The following ST3GAL3 variants were observed in gnomAD, a reference collection of about 807,000 sequenced individuals.
ST3GAL3 encodes the protein CMP-N-acetylneuraminate-beta-1,4-galactoside alpha-2,3-sialyltransferase.
A neutral mutation model predicts 50.1 loss-of-function variants in ST3GAL3; 21 were observed. That is an observed-to-expected ratio of 0.42 (90% CI 0.30 to 0.60). The LOEUF (loss-of-function observed/expected upper bound fraction) is 0.60. ST3GAL3 is among the 20% of genes least tolerant of loss of function. ST3GAL3 has a pLI of 0.19. For missense variants in ST3GAL3, 353 were observed against 489.4 expected (o/e 0.72, Z 2.63); for synonymous variants, 183 against 190.0 (o/e 0.96, Z 0.30).
intron 5 of ST3GAL3, among the ~76,000 whole-genome samples, chr1:43,871,944 G>A (rs868446537): frequency 2.1e-3 from 18 of 8,522 alleles, no homozygotes; most frequent in African/African-American, 0.013. Context: ...GGAGCGGTAC[G>A]TCGGTGGGGG....
intron 4 of ST3GAL3, among the ~76,000 whole-genome samples, chr1:43,826,523 A>T (rs1024578469): frequency 1.3e-5 from 2 of 152,222 alleles, no homozygotes; most frequent in African/African-American, 4.8e-5. Context: ...ACCAAATGAT[A>T]CCAGTTCTCT....
At chr1:43,807,865 GTGT>G (rs2060083530) in intron 3 of ST3GAL3, among the ~76,000 whole-genome samples, 2 of 152,326 alleles carry the variant, frequency 1.3e-5, no homozygotes, top group East Asian at 1.9e-4. Context: ...GTGAAGAGTG[GTGT>G]TGTTCGTTAA....
chr1:43,732,860 A>G (rs6429637), intron 1 of ST3GAL3, among the ~76,000 whole-genome samples: 50,043 of 152,066 alleles, frequency 0.33, 8,640 homozygotes, highest in African/African-American at 0.43. Flanking sequence ...ATAAATTTCA[A>G]TAGATACTTC....
intron 9 of ST3GAL3, among the ~76,000 whole-genome samples, chr1:43,917,506 A>G (rs2082094264): frequency 1.4e-5 from 1 of 71,394 alleles, no homozygotes; most frequent in Non-Finnish European, 2.6e-5. Context: ...ATAATATATT[A>G]TATAATATAA....
Position 43,724,382 on chromosome 1 carries a change from AT to A in ST3GAL3, c.-30-11834del, listed in dbSNP as rs36044239. On this transcript the variant is annotated intron_variant, in intron 1 of 11. Coordinates refer to ENST00000347631, the MANE Select transcript of ST3GAL3 (RefSeq NM_006279.5). ...CTCACCACCACACCTGGCTATTTTC[AT>A]TTTTTTTTTTTTTTTTGTAGAGATG... is the stretch of plus-strand genomic sequence containing the variant. Among the ~76,000 whole-genome samples, 973 of 121,156 alleles carry A rather than the reference AT, an allele frequency of 8.0e-3. 6 individuals carry two copies. The highest frequency in any genetic ancestry group is 0.023 in the African/African-American group (761 of 32,968). 79.5% of individuals were successfully genotyped at this position (121,156 alleles called of 152,430 possible). A position where few individuals can be genotyped will look rare whatever the true frequency, so the allele number is the denominator to read the frequency against.
intron 5 of ST3GAL3, among the ~76,000 whole-genome samples, chr1:43,859,730 T>C (rs939233119): frequency 2.6e-5 from 4 of 152,184 alleles, no homozygotes; most frequent in Admixed American, 6.5e-5. Flanking sequence ...GGGCAAGGCA[T>C]GTGCTTGAGG....
intron 5 of ST3GAL3, among the ~76,000 whole-genome samples, chr1:43,857,491 CCTTCCTTCCCT>C (rs1283188548): frequency 2.0e-5 from 3 of 148,126 alleles, no homozygotes; most frequent in Non-Finnish European, 3.0e-5. Flanking sequence ...TTCCTTCCTT[CCTTCCTTCCCT>C]CTTCCTTCCT....
At chr1:43,714,807 C>A (rs1666568700) in intron 1 of ST3GAL3, among the ~76,000 whole-genome samples, 1 of 152,112 alleles carries the variant, frequency 6.6e-6, no homozygotes, top group Admixed American at 6.6e-5. Context: ...CAGTCATCTT[C>A]TGATGATTTT....
At chr1:43,817,582 C>CCTTCTTTCTT (rs1558437459) in intron 4 of ST3GAL3, among the ~76,000 whole-genome samples, 1 of 34,422 alleles carries the variant, frequency 2.9e-5, no homozygotes, top group Non-Finnish European at 5.9e-5. Flanking sequence ...TTCTCCTTCT[C>CCTTCTTTCTT]CTCCTTCTCC....
chr1:43,828,907 C>T (rs1394656004), intron 4 of ST3GAL3, among the ~76,000 whole-genome samples: 2 of 152,118 alleles, frequency 1.3e-5, no homozygotes, highest in African/African-American at 4.8e-5. Flanking sequence ...CAGTCACCCT[C>T]CTAAGTATTT....
chr1:43,786,259 C>G (rs1409497563), intron 2 of ST3GAL3, among the ~76,000 whole-genome samples: 1 of 152,180 alleles, frequency 6.6e-6, no homozygotes, highest in African/African-American at 2.4e-5. Flanking sequence ...GGGTTTTAAG[C>G]AGGGCTTCTC....
At chr1:43,811,692 C>T (rs2060579283) in intron 3 of ST3GAL3, among the ~76,000 whole-genome samples, 1 of 152,150 alleles carries the variant, frequency 6.6e-6, no homozygotes, top group Admixed American at 6.5e-5. Context: ...CGCCCATTGC[C>T]CATTGTGTCC....
At chr1:43,864,742 A>T (rs2070872872) in intron 5 of ST3GAL3, among the ~76,000 whole-genome samples, 1 of 152,152 alleles carries the variant, frequency 6.6e-6, no homozygotes, top group Non-Finnish European at 1.5e-5. Flanking sequence ...TTCATGTCAT[A>T]TTAGGGGAGG....
chr1:43,919,648 C>G (rs1382125502), intron 9 of ST3GAL3: 1 of 153,086 alleles, frequency 6.5e-6, no homozygotes, highest in Non-Finnish European at 1.5e-5. Context: ...GGTGGACGCA[C>G]TGAACAGTAA....
chr1:43,924,055 C>T (rs1012673602), intron 11 of ST3GAL3, among the ~76,000 whole-genome samples: 3 of 152,136 alleles, frequency 2.0e-5, no homozygotes, highest in African/African-American at 7.2e-5. Context: ...AGGACATAAA[C>T]ATTCAGTCTA....
At chr1:43,893,194 T>C (rs2076900674) in intron 5 of ST3GAL3, among the ~76,000 whole-genome samples, 1 of 152,234 alleles carries the variant, frequency 6.6e-6, no homozygotes. Context: ...TTAGTGATGA[T>C]AGGGATGAGA....
chr1:43,778,623 C>T (rs556103082), intron 2 of ST3GAL3, among the ~76,000 whole-genome samples: 1 of 150,966 alleles, frequency 6.6e-6, no homozygotes, highest in East Asian at 1.9e-4. Context: ...TGTGAGGCAT[C>T]CAGATTTCTT....
At chr1:43,760,739 C>G (rs1193647358) in intron 2 of ST3GAL3, among the ~76,000 whole-genome samples, 1 of 150,846 alleles carries the variant, frequency 6.6e-6, no homozygotes, top group Non-Finnish European at 1.5e-5. Flanking sequence ...TTGGGTGACA[C>G]AGCAAGGCTC....
intron 5 of ST3GAL3, chr1:43,850,275 G>C (rs1263287406): frequency 2.1e-6 from 1 of 478,732 alleles, no homozygotes; most frequent in Non-Finnish European, 4.0e-6. Flanking sequence ...GGCACCAGGT[G>C]CATCCAGGGT....
Sources: gnomAD v4.1 joint callset for allele counts (sites outside exome capture counted in the v4.1 genomes callset) on GRCh38, gnomAD v4.1.1 for gene constraint, MANE v1.5 for transcripts, NCBI Gene and HGNC (gene_info 2026-07-23, HGNC 2026-07-21) for gene names.